The following KCNAB1 variants were observed in gnomAD, a reference collection of about 807,000 sequenced individuals.
The protein encoded by KCNAB1 is potassium voltage-gated channel subfamily A regulatory beta subunit 1.
Under a neutral mutation model 64.6 loss-of-function variants are expected in KCNAB1, and 35 were observed. That is an observed-to-expected ratio of 0.54 (90% CI 0.41 to 0.72). KCNAB1 has a LOEUF of 0.72. Ranked by LOEUF, KCNAB1 falls within the 30% of genes least tolerant of loss-of-function variation. The pLI is 0.00. For missense variants in KCNAB1, 401 were observed against 512.9 expected (o/e 0.78, Z 2.11); for synonymous variants, 177 against 183.8 (o/e 0.96, Z 0.30).
chr3:156,494,193 G>T (rs917754384), intron 8 of KCNAB1, among the ~76,000 whole-genome samples: 2 of 152,016 alleles, frequency 1.3e-5, no homozygotes, highest in Non-Finnish European at 2.9e-5. Context: ...CTGTAAAAAA[G>T]AACTCTCTCT....
At chr3:156,412,506 G>A (rs1714736071) in intron 1 of KCNAB1, among the ~76,000 whole-genome samples, 1 of 152,158 alleles carries the variant, frequency 6.6e-6, no homozygotes, top group African/African-American at 2.4e-5. Context: ...AACTTTTATT[G>A]GATTGTTCAT....
chr3:156,385,378 C>G (rs1158753654), intron 1 of KCNAB1, among the ~76,000 whole-genome samples: 3 of 151,208 alleles, frequency 2.0e-5, no homozygotes, highest in African/African-American at 7.3e-5. Flanking sequence ...TAGAAAGAAG[C>G]TTATCAGAGA....
intron 1 of KCNAB1, among the ~76,000 whole-genome samples, chr3:156,396,376 T>C (rs1713466397): frequency 6.6e-6 from 1 of 152,220 alleles, no homozygotes; most frequent in South Asian, 2.1e-4. Flanking sequence ...ATGCAAAATA[T>C]TAATATCCAA....
intron 1 of KCNAB1, among the ~76,000 whole-genome samples, chr3:156,228,585 T>G (rs1716328778): frequency 1.3e-5 from 2 of 152,206 alleles, no homozygotes; most frequent in Admixed American, 6.5e-5. Context: ...TGCTAGAGCT[T>G]GGAGGTGGGA....
intron 13 of KCNAB1, among the ~76,000 whole-genome samples, chr3:156,536,086 C>T (rs941912155): frequency 2.6e-5 from 4 of 152,222 alleles, no homozygotes; most frequent in African/African-American, 9.7e-5. Flanking sequence ...CCATCCTTCA[C>T]CAGGGATAAG....
At chr3:156,368,103 A>C (rs942933221) in intron 1 of KCNAB1, among the ~76,000 whole-genome samples, 4 of 152,262 alleles carry the variant, frequency 2.6e-5, no homozygotes, top group Non-Finnish European at 4.4e-5. Context: ...ATAAAAATAC[A>C]GAATGCCCAG....
At chr3:156,360,091 A>G (rs1273647891) in intron 1 of KCNAB1, among the ~76,000 whole-genome samples, 1 of 152,230 alleles carries the variant, frequency 6.6e-6, no homozygotes, top group East Asian at 1.9e-4. Context: ...TTCATTTCAA[A>G]TTTATGTAAT....
intron 1 of KCNAB1, among the ~76,000 whole-genome samples, chr3:156,198,049 A>G (rs532219194): frequency 1.3e-5 from 2 of 152,306 alleles, no homozygotes; most frequent in East Asian, 3.9e-4. Flanking sequence ...TTATTTACCC[A>G]GTAGTCATTC....
At chr3:156,404,657 G>A (rs188754693) in intron 1 of KCNAB1, among the ~76,000 whole-genome samples, 201 of 152,342 alleles carry the variant, frequency 1.3e-3, no homozygotes, top group African/African-American at 4.7e-3. Context: ...GCTTGGGGAA[G>A]TTAAGCAACT....
chr3:156,510,205 T>C (rs552513210), intron 8 of KCNAB1, among the ~76,000 whole-genome samples: 210 of 152,346 alleles, frequency 1.4e-3, no homozygotes, highest in Non-Finnish European at 2.5e-3. Context: ...CCTGAGGCAT[T>C]GGAGTGCCTC....
At chr3:156,225,011 A>T (rs1716060504) in intron 1 of KCNAB1, among the ~76,000 whole-genome samples, 1 of 152,198 alleles carries the variant, frequency 6.6e-6, no homozygotes, top group Non-Finnish European at 1.5e-5. Context: ...ATTGGTACCA[A>T]TCCTATTGAC....
intron 1 of KCNAB1, among the ~76,000 whole-genome samples, chr3:156,310,614 T>A (rs816551): frequency 6.6e-6 from 1 of 152,102 alleles, no homozygotes; most frequent in South Asian, 2.1e-4. Context: ...CCATCCTGGC[T>A]AACACAGTGA....
intron 1 of KCNAB1, among the ~76,000 whole-genome samples, chr3:156,171,657 A>T (rs1249610412): frequency 6.6e-6 from 1 of 152,200 alleles, no homozygotes; most frequent in Non-Finnish European, 1.5e-5. Context: ...AAAGAGTCCA[A>T]TGCGAATGTA....
At position 156,120,666 on chromosome 3, in the gene KCNAB1, AAGTTAAGG is replaced by A. The variant is rs755009452; in HGVS notation, c.58_65del (p.Leu20ThrfsTer21). The A allele has an allele frequency of 6.2e-7, 1 of 1,614,218 alleles. No individual in the cohort carries two copies. The highest frequency in any genetic ancestry group is 1.1e-5 in the South Asian group (1 of 91,084). Reference sequence around the variant, plus strand: ...GAGTCAGATCTCAGAGGAGAACACCAAGTTAAGGAGACAGTCTGGGTTTTCTGTAGCAG... The same window carrying A: ...GAGTCAGATCTCAGAGGAGAACACCAAGACAGTCTGGGTTTTCTGTAGCAG... On this transcript the variant is annotated frameshift_variant, in exon 1 of 14. Transcript: ENST00000490337. LOFTEE classifies it high-confidence loss of function.
chr3:156,250,989 G>T (rs888601070), intron 1 of KCNAB1, among the ~76,000 whole-genome samples: 1 of 151,756 alleles, frequency 6.6e-6, no homozygotes, highest in African/African-American at 2.4e-5. Context: ...ACTTTATTTC[G>T]TACCATTCTT....
intron 1 of KCNAB1, among the ~76,000 whole-genome samples, chr3:156,188,835 A>C (rs987574790): frequency 6.6e-6 from 1 of 152,194 alleles, no homozygotes; most frequent in Non-Finnish European, 1.5e-5. Context: ...CTGCAAGTGA[A>C]CTTAATTTAC....
chr3:156,385,177 G>T (rs1712493257), intron 1 of KCNAB1, among the ~76,000 whole-genome samples: 1 of 152,134 alleles, frequency 6.6e-6, no homozygotes, highest in Non-Finnish European at 1.5e-5. Context: ...CTGGGGCTTT[G>T]AGGGAGACAT....
At chr3:156,464,647 C>A (rs1713219132) in intron 6 of KCNAB1, among the ~76,000 whole-genome samples, 1 of 152,170 alleles carries the variant, frequency 6.6e-6, no homozygotes, top group African/African-American at 2.4e-5. Flanking sequence ...TGTGTATATA[C>A]ACACTTGCAA....
rs1576992141 is a variant in KCNAB1 at position 156,538,155 on chromosome 3, T to A, written c.*1408T>A. Reference sequence around the variant, plus strand: ...GAGAGAAAACATGTTTTGTTTTTTTTTGAAGGGGGTGGTGTGGGAGTGGCC... The same window carrying A: ...GAGAGAAAACATGTTTTGTTTTTTTATGAAGGGGGTGGTGTGGGAGTGGCC... On this transcript the variant is annotated 3_prime_UTR_variant, in exon 14 of 14. Coordinates refer to ENST00000490337, the MANE Select transcript of KCNAB1 (RefSeq NM_172160.3). The A allele has an allele frequency of 1.3e-5, 2 of 152,000 alleles. No homozygotes were observed. The highest frequency in any genetic ancestry group is 1.3e-4 in the Admixed American group (2 of 15,254). 9.4% of individuals were successfully genotyped at this position (152,000 alleles called of 1,614,324 possible).
Sources: gnomAD v4.1 joint callset for allele counts (sites outside exome capture counted in the v4.1 genomes callset) on GRCh38, gnomAD v4.1.1 for gene constraint, MANE v1.5 for transcripts, NCBI Gene and HGNC (gene_info 2026-07-23, HGNC 2026-07-21) for gene names.